Variants in PRDM5 observed in about 807,000 individuals in gnomAD.
PRDM5 encodes the protein PR domain zinc finger protein 5.
PRDM5 carries 56 observed loss-of-function variants against 81.2 expected under a neutral mutation model. The ratio of observed to expected loss-of-function variants is 0.69; its 90% CI spans 0.56 to 0.86. PRDM5 has a LOEUF of 0.86. Among genes scored for constraint, PRDM5 ranks in the 40% least tolerant of loss-of-function variants. The pLI, the probability that PRDM5 is intolerant of heterozygous loss-of-function variation, is 0.00. For missense variants in PRDM5, 697 were observed against 770.1 expected (o/e 0.91, Z 1.12); for synonymous variants, 267 against 256.4 (o/e 1.04, Z -0.39).
At chr4:120,853,677 C>T in intron 2 of PRDM5, 137 bp from the exon 3 acceptor site, 1 of 1,120,740 alleles carries the variant, frequency 8.9e-7, no homozygotes, top group Non-Finnish European at 1.3e-6. Context: ...GTTGGACTAA[C>T]ATGCATTCTT....
At chr4:120,826,301 C>CTA (rs1755971143) in intron 3 of PRDM5, among the ~76,000 whole-genome samples, 1 of 152,166 alleles carries the variant, frequency 6.6e-6, no homozygotes, top group South Asian at 2.1e-4. Flanking sequence ...TGGCCCCTTG[C>CTA]TATAACTCCT....
At chr4:120,879,516 T>G (rs1452198771) in intron 2 of PRDM5, among the ~76,000 whole-genome samples, 1 of 152,206 alleles carries the variant, frequency 6.6e-6, no homozygotes, top group Non-Finnish European at 1.5e-5. Context: ...ATGAAGACCT[T>G]TAATGATGAT....
At chr4:120,734,443 C>A (rs1740794297) in intron 14 of PRDM5, among the ~76,000 whole-genome samples, 1 of 151,980 alleles carries the variant, frequency 6.6e-6, no homozygotes, top group South Asian at 2.1e-4. Context: ...CACACACACA[C>A]ACACCCTTAC....
At chr4:120,742,684 G>T (rs1407593228) in intron 14 of PRDM5, among the ~76,000 whole-genome samples, 1 of 152,174 alleles carries the variant, frequency 6.6e-6, no homozygotes, top group Non-Finnish European at 1.5e-5. Flanking sequence ...TATCAGCAAT[G>T]GAAGGTGAAA....
chr4:120,696,696 G>C (rs1734560363), intron 15 of PRDM5, among the ~76,000 whole-genome samples: 1 of 151,362 alleles, frequency 6.6e-6, no homozygotes, highest in Non-Finnish European at 1.5e-5. Flanking sequence ...ATAAATGTCA[G>C]TGTACATTTT....
intron 2 of PRDM5, among the ~76,000 whole-genome samples, chr4:120,904,536 T>A (rs1281913889): frequency 6.6e-6 from 1 of 152,060 alleles, no homozygotes; most frequent in East Asian, 1.9e-4. Context: ...ATCGTGTGAG[T>A]GTACCATTAC....
chr4:120,793,074 T>C (rs1016782225), intron 10 of PRDM5, among the ~76,000 whole-genome samples: 26 of 152,170 alleles, frequency 1.7e-4, no homozygotes, highest in African/African-American at 6.0e-4. Context: ...CCGTAGCCTG[T>C]TAGAAACCAG....
At chr4:120,833,219 T>C (rs762557195) in intron 3 of PRDM5, among the ~76,000 whole-genome samples, 3 of 152,172 alleles carry the variant, frequency 2.0e-5, no homozygotes, top group Non-Finnish European at 2.9e-5. Context: ...TTAAATTGGA[T>C]GCCATTCTGA....
chr4:120,723,992 G>C (rs1578481928), intron 14 of PRDM5, among the ~76,000 whole-genome samples: 1 of 125,330 alleles, frequency 8.0e-6, no homozygotes, highest in Non-Finnish European at 1.6e-5. Flanking sequence ...GAACATTCCT[G>C]ACAAGTGTAT....
intron 14 of PRDM5, among the ~76,000 whole-genome samples, chr4:120,749,836 G>C (rs905577628): frequency 1.3e-5 from 2 of 152,132 alleles, no homozygotes; most frequent in African/African-American, 4.8e-5. Flanking sequence ...GAACCCCAGT[G>C]ATCCACAGGA....
At chr4:120,718,409 T>C (rs10518376) in intron 14 of PRDM5, among the ~76,000 whole-genome samples, 21,217 of 152,224 alleles carry the variant, frequency 0.14, 1,673 homozygotes, top group Middle Eastern at 0.22. Context: ...TTTATAGCCA[T>C]TAATGTTTAC....
intron 15 of PRDM5, among the ~76,000 whole-genome samples, chr4:120,698,169 C>A (rs942280074): frequency 2.0e-5 from 3 of 152,060 alleles, no homozygotes; most frequent in African/African-American, 4.8e-5. Context: ...TTCACTTAAG[C>A]AGCAAGTCCA....
chr4:120,767,895 T>G (rs1041316989), intron 13 of PRDM5, among the ~76,000 whole-genome samples: 3 of 151,810 alleles, frequency 2.0e-5, no homozygotes, highest in Non-Finnish European at 2.9e-5. Context: ...TAAAGGGGAG[T>G]TCCCCTGCAC....
chr4:120,738,293 C>T (rs1200178622), intron 14 of PRDM5, among the ~76,000 whole-genome samples: 1 of 152,208 alleles, frequency 6.6e-6, no homozygotes, highest in Non-Finnish European at 1.5e-5. Flanking sequence ...CAGTTTCAGA[C>T]TCTACCGTTG....
In PRDM5 at chr4:120,774,860, C is replaced by T. The variant is rs1385872192; in HGVS notation, c.1537+2328G>A. On this transcript the variant is annotated intron_variant, in intron 13 of 15. Transcript: ENST00000264808. The stretch of plus-strand genomic sequence containing the variant: ...CACACAAACACATACACCACTTTCT[C>T]CTTCTCTGTCTCTCTCTCTCTCTCT... 2.0e-5 allele frequency among the ~76,000 whole-genome samples: 3 copies of T among 147,616 alleles called. No individual in the cohort carries two copies. In the East Asian group the frequency reaches 5.9e-4, roughly 29 times the overall value.
intron 14 of PRDM5, among the ~76,000 whole-genome samples, chr4:120,730,969 GC>G (rs1490155330): frequency 6.6e-6 from 1 of 152,044 alleles, no homozygotes; most frequent in African/African-American, 2.4e-5. Flanking sequence ...CTCTGCCCAG[GC>G]CCTTAAAAAA....
At chr4:120,715,394 T>C (rs1737604399) in intron 14 of PRDM5, among the ~76,000 whole-genome samples, 1 of 152,154 alleles carries the variant, frequency 6.6e-6, no homozygotes, top group African/African-American at 2.4e-5. Context: ...TGTAAAAAAA[T>C]ATGTTTAATG....
intron 1 of PRDM5, among the ~76,000 whole-genome samples, chr4:120,920,276 A>C (rs1031898569): frequency 2.0e-5 from 3 of 152,246 alleles, no homozygotes; most frequent in Non-Finnish European, 2.9e-5. Flanking sequence ...TTATACAAGC[A>C]TATGTGTTAT....
chr4:120,744,529 G>T (rs1014828686), intron 14 of PRDM5, among the ~76,000 whole-genome samples: 1 of 151,712 alleles, frequency 6.6e-6, no homozygotes, highest in Non-Finnish European at 1.5e-5. Context: ...TTGATAGACC[G>T]CTAGCAAGAC....
Sources: gnomAD v4.1 joint callset for allele counts (sites outside exome capture counted in the v4.1 genomes callset) on GRCh38, gnomAD v4.1.1 for gene constraint, MANE v1.5 for transcripts, NCBI Gene and HGNC (gene_info 2026-07-23, HGNC 2026-07-21) for gene names.